The following PPP1R12A variants were observed in gnomAD, a reference collection of about 807,000 sequenced individuals.
PPP1R12A encodes protein phosphatase 1 regulatory subunit 12A.
PPP1R12A carries 19 observed loss-of-function variants against 139.6 expected under a neutral mutation model. The ratio of observed to expected loss-of-function variants is 0.14; its 90% CI spans 0.09 to 0.20. PPP1R12A has a LOEUF of 0.20. Among genes scored for constraint, PPP1R12A ranks in the 10% least tolerant of loss-of-function variants. The pLI is 1.00. For missense variants in PPP1R12A, 925 were observed against 1,211.5 expected (o/e 0.76, Z 3.51); for synonymous variants, 427 against 420.6 (o/e 1.02, Z -0.19).
At chr12:79,828,711 T>C (rs1877077014) in intron 4 of PPP1R12A, among the ~76,000 whole-genome samples, 1 of 152,154 alleles carries the variant, frequency 6.6e-6, no homozygotes, top group Non-Finnish European at 1.5e-5. Flanking sequence ...ACTCTAAGTC[T>C]TATGGTTTGG....
chr12:79,835,090 G>A (rs530722091), intron 3 of PPP1R12A, among the ~76,000 whole-genome samples: 1 of 152,172 alleles, frequency 6.6e-6, no homozygotes, highest in African/African-American at 2.4e-5. Flanking sequence ...GGGAGAAATG[G>A]GCTGAAAAAG....
At chr12:79,809,032 A>G (rs1026793384) in intron 10 of PPP1R12A, among the ~76,000 whole-genome samples, 15 of 152,152 alleles carry the variant, frequency 9.9e-5, no homozygotes, top group Admixed American at 8.5e-4. Flanking sequence ...TATTTAAATT[A>G]TATTTATCCA....
In PPP1R12A at chr12:79,935,004, C is replaced by G; in HGVS notation, c.-73G>C. On this transcript the variant is annotated 5_prime_UTR_variant, in exon 1 of 25. Coordinates refer to ENST00000450142, the MANE Select transcript of PPP1R12A (RefSeq NM_002480.3). ...AGGCGGAGAGGGAAGAGAGGGGAGG[C>G]AGGGGGTGTGTGAATGTTTCTATGA... 4 of 1,491,086 alleles carry G rather than the reference C, an allele frequency of 2.7e-6. No homozygotes were observed. The highest frequency in any genetic ancestry group is 3.6e-6 in the Non-Finnish European group (4 of 1,118,202). 92.4% of individuals were successfully genotyped at this position (1,491,086 alleles called of 1,614,324 possible). A position where few individuals can be genotyped will look rare whatever the true frequency, so the allele number is the denominator to read the frequency against.
At chr12:79,910,377 G>C (rs1266589671) in intron 1 of PPP1R12A, among the ~76,000 whole-genome samples, 2 of 152,090 alleles carry the variant, frequency 1.3e-5, no homozygotes, top group Non-Finnish European at 2.9e-5. Context: ...CTACTCGGGA[G>C]GCTGAGGCAC....
intron 1 of PPP1R12A, among the ~76,000 whole-genome samples, chr12:79,932,487 A>T (rs932830854): frequency 9.9e-5 from 15 of 152,220 alleles, no homozygotes; most frequent in Non-Finnish European, 1.8e-4. Flanking sequence ...AGGCATTTGC[A>T]GATATGGAAA....
chr12:79,908,239 G>A (rs905380538), intron 1 of PPP1R12A, among the ~76,000 whole-genome samples: 5 of 152,132 alleles, frequency 3.3e-5, no homozygotes, highest in East Asian at 3.8e-4. Flanking sequence ...AAAACAGGGC[G>A]AGGATCCAAA....
At chr12:79,865,300 G>T (rs1881840122) in intron 2 of PPP1R12A, among the ~76,000 whole-genome samples, 1 of 152,094 alleles carries the variant, frequency 6.6e-6, no homozygotes, top group Non-Finnish European at 1.5e-5. Flanking sequence ...AATAAACTAG[G>T]TATCGATGGA....
Position 79,859,502 on chromosome 12 carries a change from GA to G in PPP1R12A, c.368+13305del, listed in dbSNP as rs976198172. On this transcript the variant is annotated intron_variant, in intron 2 of 24. Transcript: ENST00000450142. Reference sequence around the variant, plus strand: ...ATAAAATAAAGGCTATAATGCAGAAGAAAAGCCAAGCCATAAGTAAGTCGCC... The same window carrying G: ...ATAAAATAAAGGCTATAATGCAGAAGAAAGCCAAGCCATAAGTAAGTCGCC... Among the ~76,000 whole-genome samples, 185 of 152,174 alleles carry G rather than the reference GA, an allele frequency of 1.2e-3. 1 individual carries two copies. Among genetic ancestry groups the G allele is most frequent in the African/African-American group, 4.3e-3 (178 of 41,530 alleles).
chr12:79,862,187 G>A (rs1881415586), intron 2 of PPP1R12A, among the ~76,000 whole-genome samples: 2 of 152,194 alleles, frequency 1.3e-5, no homozygotes, highest in East Asian at 1.9e-4. Flanking sequence ...AGGGTCTGGA[G>A]TGGACCTCCA....
intron 2 of PPP1R12A, among the ~76,000 whole-genome samples, chr12:79,853,935 T>A (rs753692082): frequency 1.3e-5 from 2 of 152,238 alleles, no homozygotes; most frequent in Non-Finnish European, 2.9e-5. Flanking sequence ...CAGACATGAC[T>A]GGGTTGTCAT....
intron 2 of PPP1R12A, among the ~76,000 whole-genome samples, chr12:79,846,124 A>ATT (rs1879356805): frequency 7.1e-6 from 1 of 140,700 alleles, no homozygotes; most frequent in South Asian, 2.3e-4. Flanking sequence ...AAAATTAGCT[A>ATT]TTAAACCCAC....
intron 1 of PPP1R12A, among the ~76,000 whole-genome samples, chr12:79,910,734 T>C (rs1886501879): frequency 6.6e-6 from 1 of 152,176 alleles, no homozygotes; most frequent in Non-Finnish European, 1.5e-5. Flanking sequence ...AGATGAATAC[T>C]AACAGTTCAA....
chr12:79,911,212 C>T (rs529028549), intron 1 of PPP1R12A, among the ~76,000 whole-genome samples: 40 of 152,228 alleles, frequency 2.6e-4, no homozygotes, highest in Admixed American at 9.2e-4. Context: ...TTTTCAGACA[C>T]CTTTTCTCCA....
chr12:79,776,959 TAAG>T (rs1041378961), intron 24 of PPP1R12A, among the ~76,000 whole-genome samples: 4 of 152,100 alleles, frequency 2.6e-5, no homozygotes, highest in African/African-American at 4.8e-5. Context: ...GCAAAATCTT[TAAG>T]AAGATTTAAT....
chr12:79,840,669 A>G (rs985204638), intron 3 of PPP1R12A, among the ~76,000 whole-genome samples: 6 of 152,156 alleles, frequency 3.9e-5, no homozygotes, highest in South Asian at 2.1e-4. Flanking sequence ...TTTTACTTCA[A>G]TATTTCCTCA....
intron 1 of PPP1R12A, among the ~76,000 whole-genome samples, chr12:79,906,149 G>A (rs1042784596): frequency 2.0e-5 from 3 of 152,020 alleles, no homozygotes; most frequent in Non-Finnish European, 2.9e-5. Context: ...GAATGAATGA[G>A]TGAACTGCAA....
intron 12 of PPP1R12A, 124 bp from the exon 13 acceptor site, chr12:79,806,457 A>AC (rs1873847487): frequency 1.3e-6 from 1 of 779,336 alleles, no homozygotes; most frequent in Non-Finnish European, 2.0e-6. Flanking sequence ...TAAATACACC[A>AC]CCAGCTCCAG....
intron 1 of PPP1R12A, among the ~76,000 whole-genome samples, chr12:79,924,272 T>C (rs963951655): frequency 9.9e-5 from 15 of 151,290 alleles, no homozygotes; most frequent in Non-Finnish European, 2.2e-4. Context: ...GCTACAGAGT[T>C]CTTAAGTAGA....
chr12:79,780,007 A>G (rs926238838), intron 23 of PPP1R12A: 4 of 152,450 alleles, frequency 2.6e-5, no homozygotes, highest in African/African-American at 9.7e-5. Context: ...GTTCAAGACC[A>G]GCCTTGGCAA....
Sources: gnomAD v4.1 joint callset for allele counts (sites outside exome capture counted in the v4.1 genomes callset) on GRCh38, gnomAD v4.1.1 for gene constraint, MANE v1.5 for transcripts, NCBI Gene and HGNC (gene_info 2026-07-23, HGNC 2026-07-21) for gene names.